PLXNA4: variants seen among roughly 807,000 people sequenced by gnomAD.
PLXNA4 encodes the protein plexin A4.
In PLXNA4, 44 loss-of-function variants were observed where a neutral mutation model predicts 191.8. The observed-to-expected ratio is 0.23, with a 90% CI of 0.18 to 0.29. The LOEUF (loss-of-function observed/expected upper bound fraction) is 0.29, where lower values mean the gene tolerates loss of function less well. Ranked by LOEUF, PLXNA4 falls within the 10% of genes least tolerant of loss-of-function variation. The pLI is 1.00. For synonymous variants in PLXNA4, 1,082 were observed against 1,009.5 expected (o/e 1.07, Z -1.36); for missense variants, 1,800 against 2,488.8 (o/e 0.72, Z 5.89).
chr7:132,250,321 C>T (rs1044154873), intron 4 of PLXNA4, among the ~76,000 whole-genome samples: 9 of 152,096 alleles, frequency 5.9e-5, no homozygotes, highest in African/African-American at 2.2e-4. Flanking sequence ...TCAGCTCATG[C>T]GCAGTAAATG....
At chr7:132,625,623 C>T (rs1430885102) in intron 2 of PLXNA4, among the ~76,000 whole-genome samples, 1 of 152,148 alleles carries the variant, frequency 6.6e-6, no homozygotes, top group Non-Finnish European at 1.5e-5. Context: ...TTTCATCAAT[C>T]CGTTCATCCT....
At chr7:132,484,938 T>C in intron 3 of PLXNA4, 3 of 1,614,158 alleles carry the variant, frequency 1.9e-6, no homozygotes, top group Non-Finnish European at 2.5e-6. Context: ...TGAGAAGCAA[T>C]GTTCGCCCCA....
chr7:132,232,162 C>A (rs965700345), intron 5 of PLXNA4, among the ~76,000 whole-genome samples: 2 of 152,080 alleles, frequency 1.3e-5, no homozygotes, highest in Admixed American at 1.3e-4. Context: ...GATCTGGGAA[C>A]CAGAGCAAAA....
chr7:132,607,261 G>C (rs1380921733), intron 2 of PLXNA4, among the ~76,000 whole-genome samples: 1 of 152,138 alleles, frequency 6.6e-6, no homozygotes, highest in African/African-American at 2.4e-5. Flanking sequence ...TCAAATTCTA[G>C]AGAAATTGCC....
intron 3 of PLXNA4, among the ~76,000 whole-genome samples, chr7:132,431,397 C>T (rs1448893801): frequency 6.6e-6 from 1 of 152,180 alleles, no homozygotes; most frequent in Non-Finnish European, 1.5e-5. Context: ...CTCCTCGTCA[C>T]TCCTCAGCCA....
intron 1 of PLXNA4, among the ~76,000 whole-genome samples, chr7:132,558,494 C>G (rs1400334401): frequency 6.6e-6 from 1 of 152,080 alleles, no homozygotes; most frequent in Admixed American, 6.5e-5. Context: ...AATATAAATA[C>G]AGTTTAGAAA....
chr7:132,277,967 C>G (rs150892044), intron 4 of PLXNA4, among the ~76,000 whole-genome samples: 8 of 152,166 alleles, frequency 5.3e-5, no homozygotes, highest in Non-Finnish European at 1.2e-4. Context: ...TTGGGAATGT[C>G]GCTTGCCAGC....
At chr7:132,241,043 G>C (rs758100792) in intron 5 of PLXNA4, 23 bp downstream of exon 5, 2 of 1,552,300 alleles carry the variant, frequency 1.3e-6, no homozygotes, top group South Asian at 2.4e-5. Context: ...GGAGGCACGA[G>C]GCAGCCTCCC....
At chr7:132,239,527 G>A (rs1020351590) in intron 5 of PLXNA4, among the ~76,000 whole-genome samples, 4 of 152,196 alleles carry the variant, frequency 2.6e-5, no homozygotes, top group Non-Finnish European at 5.9e-5. Context: ...GCAGAAAACA[G>A]GGTAGTCAAG....
At chr7:132,485,263 A>G (rs746612695) in intron 3 of PLXNA4, among the ~76,000 whole-genome samples, 6 of 152,192 alleles carry the variant, frequency 3.9e-5, no homozygotes, top group Non-Finnish European at 8.8e-5. Flanking sequence ...CTTAACCAAC[A>G]TCCATACAGC....
At chr7:132,562,228 T>C (rs1325610816) in intron 1 of PLXNA4, among the ~76,000 whole-genome samples, 2 of 117,302 alleles carry the variant, frequency 1.7e-5, no homozygotes, top group Non-Finnish European at 3.5e-5. Flanking sequence ...CTCTTCCTCT[T>C]TCTCCTACTC....
chr7:132,420,532 CA>C (rs749954530), intron 3 of PLXNA4, among the ~76,000 whole-genome samples: 5 of 152,190 alleles, frequency 3.3e-5, no homozygotes, highest in Admixed American at 6.5e-5. Context: ...CTCTGCACAA[CA>C]AAAAGTTCTT....
At chr7:132,163,558 C>A (rs1033218954) in intron 24 of PLXNA4, among the ~76,000 whole-genome samples, 2 of 152,196 alleles carry the variant, frequency 1.3e-5, no homozygotes, top group African/African-American at 2.4e-5. Flanking sequence ...GAATGCTAAG[C>A]CTTGGTGCCT....
intron 3 of PLXNA4, among the ~76,000 whole-genome samples, chr7:132,388,149 G>C (rs1034110602): frequency 6.6e-6 from 1 of 152,126 alleles, no homozygotes; most frequent in Non-Finnish European, 1.5e-5. Context: ...ATTCATAAGA[G>C]ACTTCTATCT....
intron 4 of PLXNA4, among the ~76,000 whole-genome samples, chr7:132,286,423 C>G (rs529630164): frequency 2.6e-5 from 4 of 152,124 alleles, no homozygotes; most frequent in Non-Finnish European, 5.9e-5. Flanking sequence ...AACAGGACAC[C>G]GGCGCTAAGT....
intron 25 of PLXNA4, among the ~76,000 whole-genome samples, chr7:132,156,159 C>CAT (rs1562887631): frequency 6.6e-6 from 1 of 151,542 alleles, no homozygotes; most frequent in East Asian, 1.9e-4. Context: ...CACACACACA[C>CAT]ACACACACAC....
intron 1 of PLXNA4, among the ~76,000 whole-genome samples, chr7:132,526,692 T>C (rs1269074882): frequency 1.3e-5 from 2 of 152,192 alleles, no homozygotes; most frequent in Non-Finnish European, 2.9e-5. Flanking sequence ...AAGGCTATGC[T>C]TGTGAGGGTT....
At chr7:132,289,544 T>A (rs1288912488) in intron 4 of PLXNA4, among the ~76,000 whole-genome samples, 1 of 152,166 alleles carries the variant, frequency 6.6e-6, no homozygotes, top group African/African-American at 2.4e-5. Flanking sequence ...TATTTATTTT[T>A]TTTTTAGAGA....
At chr7:132,134,191 C>A (rs1215989560) in intron 30 of PLXNA4, among the ~76,000 whole-genome samples, 1 of 152,158 alleles carries the variant, frequency 6.6e-6, no homozygotes, top group Non-Finnish European at 1.5e-5. Context: ...CAATGACAGA[C>A]CCTGGGAGTT....
Sources: gnomAD v4.1 joint callset for allele counts (sites outside exome capture counted in the v4.1 genomes callset) on GRCh38, gnomAD v4.1.1 for gene constraint, MANE v1.5 for transcripts, NCBI Gene and HGNC (gene_info 2026-07-23, HGNC 2026-07-21) for gene names.